The following ADAMTSL1 variants were observed in gnomAD, a reference collection of about 807,000 sequenced individuals.
ADAMTSL1 encodes the protein ADAMTS like 1, also known as ADAMTS-like protein 1.
ADAMTSL1 carries 126 observed loss-of-function variants against 201.8 expected under a neutral mutation model. That is an observed-to-expected ratio of 0.62 (90% confidence interval 0.54 to 0.72). The LOEUF (loss-of-function observed/expected upper bound fraction) is 0.72. ADAMTSL1 is among the 30% of genes least tolerant of loss of function. The pLI is 0.00. For synonymous variants in ADAMTSL1, 1,121 were observed against 903.4 expected (o/e 1.24, Z -4.32); for missense variants, 2,679 against 2,277.8 (o/e 1.18, Z -3.59).
intron 2 of ADAMTSL1, among the ~76,000 whole-genome samples, chr9:18,199,228 G>A (rs540963928): frequency 1.1e-4 from 16 of 152,008 alleles, no homozygotes; most frequent in Non-Finnish European, 2.4e-4. Context: ...CCTGCACAAT[G>A]TGCACATGTA....
intron 26 of ADAMTSL1, among the ~76,000 whole-genome samples, chr9:18,897,790 C>T (rs1379353138): frequency 6.6e-6 from 1 of 152,148 alleles, no homozygotes; most frequent in Admixed American, 6.5e-5. Context: ...GCCAGAGTGC[C>T]TCTTCTCCTC....
Position 18,817,175 on chromosome 9 carries a change from A to C in ADAMTSL1, c.3872A>C (p.Asp1291Ala). The C allele has an allele frequency of 6.3e-7, 1 of 1,586,218 alleles. No homozygotes were observed. ...ACGGAGAAGCCTGCAGTCACAGTCG[A>C]TATAGGAAGCACCATCAAAACAGTG... is the stretch of plus-strand genomic sequence containing the variant. ...INTEKPAVTV[D>A]IGSTIKTVQG... The change falls in exon 21 of 29, where the codon GAT (aspartate) becomes GCT (alanine). Residue 1291 changes from aspartate (D) to alanine (A), a missense_variant. Asp to Ala is a moderately radical substitution (Grantham distance 126). Transcript: ENST00000380548.
At chr9:18,840,554 T>C (rs1395054415) in intron 23 of ADAMTSL1, among the ~76,000 whole-genome samples, 1 of 152,200 alleles carries the variant, frequency 6.6e-6, no homozygotes, top group Non-Finnish European at 1.5e-5. Context: ...TTAAAGTAGT[T>C]TTTTCCAATT....
chr9:18,730,453 G>A (rs552670522), intron 15 of ADAMTSL1, among the ~76,000 whole-genome samples: 1 of 152,250 alleles, frequency 6.6e-6, no homozygotes, highest in East Asian at 1.9e-4. Context: ...GCCAGCCAAG[G>A]TTAGGCAGTT....
chr9:18,021,905 A>T (rs1168481060), intron 1 of ADAMTSL1, among the ~76,000 whole-genome samples: 1 of 152,182 alleles, frequency 6.6e-6, no homozygotes, highest in Non-Finnish European at 1.5e-5. Context: ...TAGTTAATGA[A>T]CAGGTCAGAG....
At chr9:17,919,471 C>T (rs1361932425) in intron 1 of ADAMTSL1, among the ~76,000 whole-genome samples, 1 of 151,944 alleles carries the variant, frequency 6.6e-6, no homozygotes, top group African/African-American at 2.4e-5. Context: ...CCCTTTATAT[C>T]ACCCCCTTAC....
At chr9:18,423,461 C>G (rs1296977319) in intron 2 of ADAMTSL1, among the ~76,000 whole-genome samples, 1 of 152,198 alleles carries the variant, frequency 6.6e-6, no homozygotes, top group Non-Finnish European at 1.5e-5. Flanking sequence ...CATATGTACT[C>G]AGTCTCTTTC....
intron 23 of ADAMTSL1, among the ~76,000 whole-genome samples, chr9:18,852,353 C>T (rs1826549404): frequency 6.6e-6 from 1 of 152,140 alleles, no homozygotes; most frequent in Non-Finnish European, 1.5e-5. Flanking sequence ...GGTGCCTTCC[C>T]ACATAGTAAA....
Position 18,777,416 on chromosome 9 carries a change from G to C in ADAMTSL1, c.3187G>C (p.Val1063Leu). Residue 1063 changes from valine to leucine, a missense_variant, in exon 19 of 29, where the codon GTG becomes CTG. Transcript: ENST00000380548. ...TSEEDPGAEQ[V>L]LLHLPFTMVT... ...GGAGGAGGACCCGGGTGCAGAGCAA[G>C]TGCTCCTGCACCTGCCCTTCACCAT... 6.2e-7 allele frequency: 1 copy of C among 1,602,008 alleles called. No homozygotes were observed. Among genetic ancestry groups the C allele is most frequent in the East Asian group, 2.3e-5 (1 of 44,198 alleles).
At chr9:18,101,497 CAA>C (rs397952890) in intron 1 of ADAMTSL1, among the ~76,000 whole-genome samples, 14 of 95,330 alleles carry the variant, frequency 1.5e-4, no homozygotes, top group South Asian at 3.0e-4. Context: ...GACTCCGTCT[CAA>C]AAAAAAAAAA....
At chr9:18,749,130 C>T (rs1242002718) in intron 15 of ADAMTSL1, among the ~76,000 whole-genome samples, 1 of 152,186 alleles carries the variant, frequency 6.6e-6, no homozygotes, top group African/African-American at 2.4e-5. Context: ...ATTACATCTA[C>T]AGTGACTCTA....
intron 2 of ADAMTSL1, among the ~76,000 whole-genome samples, chr9:18,442,303 T>C (rs1820027449): frequency 6.6e-6 from 1 of 152,250 alleles, no homozygotes; most frequent in East Asian, 1.9e-4. Context: ...GTAGTGAGAT[T>C]TCCAAAGTTT....
At chr9:18,678,524 A>T (rs994769806) in intron 10 of ADAMTSL1, among the ~76,000 whole-genome samples, 2 of 152,162 alleles carry the variant, frequency 1.3e-5, no homozygotes, top group Admixed American at 1.3e-4. Flanking sequence ...TCTTTCTATG[A>T]TCACTGACAT....
chr9:18,337,931 G>A (rs1415099410), intron 2 of ADAMTSL1, among the ~76,000 whole-genome samples: 1 of 152,126 alleles, frequency 6.6e-6, no homozygotes, highest in Non-Finnish European at 1.5e-5. Flanking sequence ...CCTGGGCTAG[G>A]TTCTGCAGCT....
intron 1 of ADAMTSL1, among the ~76,000 whole-genome samples, chr9:18,068,418 A>T (rs1282631409): frequency 6.6e-6 from 1 of 152,208 alleles, no homozygotes; most frequent in Non-Finnish European, 1.5e-5. Flanking sequence ...CAGATCATTT[A>T]ATGTTTACAA....
intron 5 of ADAMTSL1, among the ~76,000 whole-genome samples, chr9:18,627,653 A>G (rs1826476299): frequency 6.6e-6 from 1 of 151,972 alleles, no homozygotes; most frequent in Admixed American, 6.6e-5. Context: ...TCTCTCTCTG[A>G]CTCAAGCTTC....
intron 2 of ADAMTSL1, among the ~76,000 whole-genome samples, chr9:18,316,019 G>C (rs1402540820): frequency 6.6e-6 from 1 of 152,216 alleles, no homozygotes; most frequent in African/African-American, 2.4e-5. Context: ...AAATTTTAAA[G>C]CTGGGCGTCG....
intron 15 of ADAMTSL1, among the ~76,000 whole-genome samples, chr9:18,739,064 A>G (rs1818675197): frequency 2.0e-5 from 3 of 152,184 alleles, no homozygotes; most frequent in African/African-American, 7.2e-5. Flanking sequence ...CAATTGCCCT[A>G]TATATAAAAT....
chr9:18,621,060 G>A (rs956536948), intron 4 of ADAMTSL1, among the ~76,000 whole-genome samples: 9 of 152,106 alleles, frequency 5.9e-5, no homozygotes, highest in South Asian at 2.1e-4. Flanking sequence ...AAGGCAAGAC[G>A]AACTGTGAGG....
Sources: gnomAD v4.1 joint callset for allele counts (sites outside exome capture counted in the v4.1 genomes callset) on GRCh38, gnomAD v4.1.1 for gene constraint, MANE v1.5 for transcripts, NCBI Gene and HGNC (gene_info 2026-07-23, HGNC 2026-07-21) for gene names.